PPP2R3A: variants seen among roughly 807,000 people sequenced by gnomAD.
PPP2R3A encodes the protein protein phosphatase 2 regulatory subunit B''alpha.
Under a neutral mutation model 106.9 loss-of-function variants are expected in PPP2R3A, and 80 were observed. The observed-to-expected ratio is 0.75, with a 90% CI of 0.62 to 0.90. The LOEUF (loss-of-function observed/expected upper bound fraction) is 0.90, where lower values mean the gene tolerates loss of function less well. Among genes scored for constraint, PPP2R3A ranks in the 40% least tolerant of loss-of-function variants. The probability of loss-of-function intolerance (pLI) is 0.00; values close to 1 mark genes in which losing one functional copy is unlikely to be tolerated. For synonymous variants in PPP2R3A, 483 were observed against 468.3 expected (o/e 1.03, Z -0.41); for missense variants, 1,386 against 1,350.4 (o/e 1.03, Z -0.41).
intron 10 of PPP2R3A, among the ~76,000 whole-genome samples, chr3:136,093,952 G>A (rs1302886689): frequency 2.0e-5 from 3 of 152,070 alleles, no homozygotes; most frequent in Non-Finnish European, 2.9e-5. Flanking sequence ...TCATAGCAGC[G>A]TCATTCACAA....
chr3:135,992,368 A>ATT (rs1933205284), intron 1 of PPP2R3A, among the ~76,000 whole-genome samples: 1 of 152,178 alleles, frequency 6.6e-6, no homozygotes, highest in Admixed American at 6.6e-5. Flanking sequence ...CAAGTGATCC[A>ATT]CCTAAGTGGC....
chr3:136,070,543 C>T lies in PPP2R3A; in HGVS notation c.2535C>T (p.Tyr845=), dbSNP rs1054724186. 3 of 1,609,644 alleles carry T rather than the reference C, an allele frequency of 1.9e-6. No individual in the cohort carries two copies. The highest frequency in any genetic ancestry group is 2.7e-5 in the African/African-American group (2 of 74,666). ...LKDAPEFHSR[Y]ITTVIQRIFY... is the part of the protein sequence containing the mutation. ...ATGCTCCAGAATTCCACTCCCGCTA[C>T]ATCACCACGGTAGGCTGAGTCATCT... The change falls in exon 6 of 14, where the codon TAC becomes TAT. Residue 845 remains tyrosine (Y), a synonymous_variant. Coordinates refer to ENST00000264977, the MANE Select transcript of PPP2R3A (RefSeq NM_002718.5).
chr3:136,070,799 A>G (rs924741351), intron 6 of PPP2R3A, among the ~76,000 whole-genome samples: 2 of 152,334 alleles, frequency 1.3e-5, no homozygotes, highest in East Asian at 3.9e-4. Context: ...TATGAGGCAT[A>G]TCTTTTTCTG....
rs79998978 is a variant in PPP2R3A, at chr3:136,008,115, A to G, written c.1995+4622A>G. ...CAGAATAATTAGGAAAATAAATTTA[A>G]CATTTTAGCAAAGCACATTTTAGGA... On this transcript the variant is annotated intron_variant, in intron 2 of 13. Transcript: ENST00000264977. Among the ~76,000 whole-genome samples the G allele has an allele frequency of 7.4e-3, 1,125 of 152,370 alleles. 18 individuals carry two copies. Among genetic ancestry groups the G allele is most frequent in the African/African-American group, 0.026 (1,070 of 41,592 alleles).
At chr3:136,133,093 G>T (rs1938486166) in intron 13 of PPP2R3A, among the ~76,000 whole-genome samples, 1 of 152,036 alleles carries the variant, frequency 6.6e-6, no homozygotes, top group African/African-American at 2.4e-5. Flanking sequence ...AAAGCTTCTG[G>T]AATAAAACAA....
intron 1 of PPP2R3A, among the ~76,000 whole-genome samples, chr3:135,991,017 C>G (rs1933137442): frequency 6.6e-6 from 1 of 152,124 alleles, no homozygotes; most frequent in African/African-American, 2.4e-5. Flanking sequence ...TCCCACACAT[C>G]CCATGCTGCT....
chr3:136,084,298 C>T lies in PPP2R3A; in HGVS notation c.2788+1877C>T, dbSNP rs546176115. Among the ~76,000 whole-genome samples, 8 of 152,350 alleles carry T rather than the reference C, an allele frequency of 5.3e-5. No homozygotes were observed. The East Asian group carries it at 1.5e-3, about 29-fold the overall frequency. ...AAAGGGGCCAACATACAGCTCAGGC[C>T]GTTGCTTCAGAGAATGCAAACCCCA... On this transcript the variant is annotated intron_variant, in intron 8 of 13. Transcript: ENST00000264977.
At chr3:136,093,450 T>A (rs978479946) in intron 10 of PPP2R3A, among the ~76,000 whole-genome samples, 2 of 152,104 alleles carry the variant, frequency 1.3e-5, no homozygotes, top group Non-Finnish European at 2.9e-5. Context: ...TCAAAAGATA[T>A]GATCAAGAAA....
rs765027130 is a variant in PPP2R3A, at chr3:136,106,192, C to T, written c.3223-24C>T. On this transcript the variant is annotated intron_variant, in intron 12 of 13. Transcript: ENST00000264977. ...TTTGTCTTTGATTTTTTTTATTTCT[C>T]GTGGCTGTCTTCTTTCCAATCAGGA... 30 of 1,578,658 alleles carry T rather than the reference C, an allele frequency of 1.9e-5. No homozygotes were observed. The East Asian group carries it at 4.9e-4, about 26-fold the overall frequency.
At chr3:136,101,486 G>A (rs544842039) in intron 10 of PPP2R3A, among the ~76,000 whole-genome samples, 3 of 152,260 alleles carry the variant, frequency 2.0e-5, no homozygotes, top group East Asian at 1.9e-4. Flanking sequence ...GTGCAGCAGC[G>A]CAGTCTTGGC....
chr3:136,104,173 T>A (rs1390815623), intron 12 of PPP2R3A, among the ~76,000 whole-genome samples: 3 of 152,230 alleles, frequency 2.0e-5, no homozygotes, highest in Non-Finnish European at 4.4e-5. Context: ...TAAGAATTTA[T>A]CGCCTTCCAA....
chr3:136,020,621 T>C (rs1934432363), intron 2 of PPP2R3A, among the ~76,000 whole-genome samples: 1 of 152,110 alleles, frequency 6.6e-6, no homozygotes, highest in South Asian at 2.1e-4. Flanking sequence ...TTTCCACGCT[T>C]ATATTTTGTT....
chr3:136,063,639 T>A (rs1936157054), intron 5 of PPP2R3A, among the ~76,000 whole-genome samples: 1 of 152,070 alleles, frequency 6.6e-6, no homozygotes, highest in Admixed American at 6.6e-5. Context: ...AAGAAGACAT[T>A]TATGCAGCCA....
At chr3:136,009,652 C>G (rs1933977591) in intron 2 of PPP2R3A, among the ~76,000 whole-genome samples, 1 of 152,122 alleles carries the variant, frequency 6.6e-6, no homozygotes, top group Admixed American at 6.6e-5. Flanking sequence ...TTCTCCTACC[C>G]CAACCCAAAC....
chr3:136,121,618 G>A (rs1181075612), intron 13 of PPP2R3A, among the ~76,000 whole-genome samples: 5 of 151,818 alleles, frequency 3.3e-5, no homozygotes, highest in Non-Finnish European at 5.9e-5. Context: ...ACTTCATAGG[G>A]AACAAAAACA....
intron 13 of PPP2R3A, among the ~76,000 whole-genome samples, chr3:136,143,253 C>T (rs758943081): frequency 7.2e-5 from 11 of 152,264 alleles, no homozygotes; most frequent in Non-Finnish European, 1.5e-4. Flanking sequence ...CTTTGGGAGG[C>T]TGATGGGGGT....
intron 12 of PPP2R3A, among the ~76,000 whole-genome samples, chr3:136,103,765 G>GTTAC (rs1393176612): frequency 6.6e-6 from 1 of 152,148 alleles, no homozygotes; most frequent in Non-Finnish European, 1.5e-5. Context: ...AGGATTCCAT[G>GTTAC]GTAAGTAGCT....
At chr3:136,074,746 G>T (rs1936543471) in intron 6 of PPP2R3A, among the ~76,000 whole-genome samples, 1 of 152,192 alleles carries the variant, frequency 6.6e-6, no homozygotes, top group African/African-American at 2.4e-5. Context: ...GAAATGCCAG[G>T]ATTTTCCTTG....
intron 2 of PPP2R3A, chr3:136,022,997 T>G: frequency 6.3e-7 from 1 of 1,585,700 alleles, no homozygotes; most frequent in Non-Finnish European, 8.5e-7. Flanking sequence ...CTGACAAGAT[T>G]GACAACTTGC....
Sources: allele counts gnomAD v4.1 joint callset (sites outside exome capture counted in the v4.1 genomes callset), GRCh38; gene constraint gnomAD v4.1.1; transcripts MANE v1.5; gene names NCBI Gene and HGNC (gene_info 2026-07-23, HGNC 2026-07-21).